Variants in SPAG16 observed in about 807,000 individuals in gnomAD.
The protein encoded by SPAG16 is sperm-associated antigen 16 protein.
In SPAG16, 86 loss-of-function variants were observed where a neutral mutation model predicts 80.4. The observed-to-expected ratio is 1.07, with a 90% CI of 0.90 to 1.28. SPAG16 has a LOEUF of 1.28. Among genes scored for constraint, SPAG16 ranks in the 50% most tolerant of loss-of-function variants. The pLI is 0.00. For missense variants in SPAG16, 870 were observed against 765.3 expected (o/e 1.14, Z -1.61); for synonymous variants, 294 against 265.9 (o/e 1.11, Z -1.03).
At chr2:213,385,546 C>G (rs906132664) in intron 9 of SPAG16, among the ~76,000 whole-genome samples, 1 of 152,006 alleles carries the variant, frequency 6.6e-6, no homozygotes, top group African/African-American at 2.4e-5. Context: ...CATTACTTAC[C>G]TGAATAGGTT....
intron 10 of SPAG16, among the ~76,000 whole-genome samples, chr2:213,804,138 T>C (rs1221063146): frequency 6.6e-6 from 1 of 152,116 alleles, no homozygotes; most frequent in African/African-American, 2.4e-5. Context: ...TAGGGGAAAA[T>C]TGGGCACAAA....
In SPAG16 at chr2:213,473,741, A is replaced by G. The variant is rs138258144; in HGVS notation, c.943-16222A>G. ...GATCCAACTCTATGTTTCTTCCACTATTATCCCACACCCTTAATATCCATT... is the reference window on the plus strand; with the variant it reads ...GATCCAACTCTATGTTTCTTCCACTGTTATCCCACACCCTTAATATCCATT... On this transcript the variant is annotated intron_variant, in intron 9 of 15. Coordinates refer to ENST00000331683, the MANE Select transcript of SPAG16 (RefSeq NM_024532.5). 7.2e-5 allele frequency among the ~76,000 whole-genome samples: 11 copies of G among 152,292 alleles called. 1 individual carries two copies. Among genetic ancestry groups the G allele is most frequent in the African/African-American group, 2.6e-4 (11 of 41,568 alleles).
At chr2:213,993,282 A>G (rs950852102) in intron 12 of SPAG16, among the ~76,000 whole-genome samples, 3 of 152,242 alleles carry the variant, frequency 2.0e-5, no homozygotes, top group Non-Finnish European at 4.4e-5. Context: ...ACCCATGCTT[A>G]TAACTAGGAA....
intron 5 of SPAG16, among the ~76,000 whole-genome samples, chr2:213,333,791 A>AT (rs1183990200): frequency 3.9e-5 from 6 of 152,154 alleles, no homozygotes; most frequent in Admixed American, 3.3e-4. Flanking sequence ...GGAAAACTGG[A>AT]TATCTATATG....
At chr2:213,443,456 A>C (rs957072942) in intron 9 of SPAG16, among the ~76,000 whole-genome samples, 1 of 152,168 alleles carries the variant, frequency 6.6e-6, no homozygotes, top group Non-Finnish European at 1.5e-5. Context: ...GTGTCCTTCA[A>C]ATTCATCCAT....
intron 13 of SPAG16, among the ~76,000 whole-genome samples, chr2:214,090,705 C>G (rs938247391): frequency 6.6e-6 from 1 of 151,956 alleles, no homozygotes; most frequent in Non-Finnish European, 1.5e-5. Context: ...TGCATGAGTT[C>G]CAAACCCCAT....
intron 10 of SPAG16, among the ~76,000 whole-genome samples, chr2:213,600,387 A>C (rs1223864480): frequency 6.6e-6 from 1 of 152,114 alleles, no homozygotes; most frequent in East Asian, 1.9e-4. Flanking sequence ...CCTTTTCCTA[A>C]GTGGTTCAAA....
At chr2:213,878,469 T>C (rs772444448) in intron 11 of SPAG16, among the ~76,000 whole-genome samples, 7 of 152,058 alleles carry the variant, frequency 4.6e-5, no homozygotes, top group Non-Finnish European at 1.0e-4. Context: ...TATCTATTCA[T>C]TTTCTTTGCC....
intron 13 of SPAG16, among the ~76,000 whole-genome samples, chr2:214,072,010 A>T (rs1370820757): frequency 6.6e-6 from 1 of 152,182 alleles, no homozygotes; most frequent in Non-Finnish European, 1.5e-5. Flanking sequence ...GCTATTTTTT[A>T]AGAAACAATA....
intron 12 of SPAG16, among the ~76,000 whole-genome samples, chr2:214,000,660 CATAA>C (rs1408825882): frequency 6.6e-6 from 1 of 152,174 alleles, no homozygotes; most frequent in Admixed American, 6.5e-5. Flanking sequence ...GGAACAAGAA[CATAA>C]ATAAATAAGC....
chr2:213,678,446 G>T (rs1465199974), intron 10 of SPAG16, among the ~76,000 whole-genome samples: 2 of 152,058 alleles, frequency 1.3e-5, no homozygotes, highest in African/African-American at 4.8e-5. Flanking sequence ...TATCACCACC[G>T]ATCCCACAGA....
chr2:213,484,783 TTTGAC>T (rs2073904839), intron 9 of SPAG16, among the ~76,000 whole-genome samples: 1 of 152,170 alleles, frequency 6.6e-6, no homozygotes, highest in Non-Finnish European at 1.5e-5. Context: ...ACGTTGATAT[TTTGAC>T]TTGAATTGAA....
intron 10 of SPAG16, among the ~76,000 whole-genome samples, chr2:213,736,853 C>T (rs927468965): frequency 6.6e-6 from 1 of 151,776 alleles, no homozygotes; most frequent in Non-Finnish European, 1.5e-5. Context: ...TACAGGCGCG[C>T]ACCACCATGC....
intron 5 of SPAG16, among the ~76,000 whole-genome samples, chr2:213,322,105 TA>T (rs200761935): frequency 0.011 from 1,541 of 146,092 alleles, 26 homozygotes; most frequent in African/African-American, 0.036. Flanking sequence ...TAAAAAAAAG[TA>T]AAAAAAAAAG....
At chr2:213,600,680 C>G (rs185581403) in intron 10 of SPAG16, among the ~76,000 whole-genome samples, 1 of 152,298 alleles carries the variant, frequency 6.6e-6, no homozygotes, top group Non-Finnish European at 1.5e-5. Flanking sequence ...TGTGAATTGT[C>G]TGGAGAGAAA....
chr2:213,766,637 CA>C (rs914084140), intron 10 of SPAG16, among the ~76,000 whole-genome samples: 1 of 152,030 alleles, frequency 6.6e-6, no homozygotes, highest in Non-Finnish European at 1.5e-5. Flanking sequence ...AAGCACCAAA[CA>C]AAAAGGCTCT....
At chr2:213,427,708 G>A (rs1456580474) in intron 9 of SPAG16, among the ~76,000 whole-genome samples, 1 of 152,134 alleles carries the variant, frequency 6.6e-6, no homozygotes, top group East Asian at 1.9e-4. Context: ...AAGACAGCAA[G>A]GACCAAGTTG....
intron 10 of SPAG16, among the ~76,000 whole-genome samples, chr2:213,492,145 G>A (rs2074261450): frequency 1.3e-5 from 2 of 152,062 alleles, no homozygotes; most frequent in African/African-American, 4.8e-5. Flanking sequence ...TTTATTCTGC[G>A]ACTTCTTTCT....
chr2:213,690,850 C>G (rs2125294187), intron 10 of SPAG16, among the ~76,000 whole-genome samples: 1 of 152,264 alleles, frequency 6.6e-6, no homozygotes, highest in Non-Finnish European at 1.5e-5. Context: ...TGGCCTCAGA[C>G]TGAGGGCTGC....
Sources: gnomAD v4.1 joint callset for allele counts (sites outside exome capture counted in the v4.1 genomes callset) on GRCh38, gnomAD v4.1.1 for gene constraint, MANE v1.5 for transcripts, NCBI Gene and HGNC (gene_info 2026-07-23, HGNC 2026-07-21) for gene names.